BIRC6: variants seen among roughly 807,000 people sequenced by gnomAD.
BIRC6 encodes the protein baculoviral IAP repeat containing 6.
BIRC6 carries 98 observed loss-of-function variants against 503.3 expected under a neutral mutation model. The observed-to-expected ratio is 0.19, with a 90% CI of 0.17 to 0.23. The LOEUF (loss-of-function observed/expected upper bound fraction) is 0.23. Ranked by LOEUF, BIRC6 falls within the 10% of genes least tolerant of loss-of-function variation. The pLI, the probability that BIRC6 is intolerant of heterozygous loss-of-function variation, is 1.00. For synonymous variants in BIRC6, 2,240 were observed against 2,078.7 expected (o/e 1.08, Z -2.11); for missense variants, 5,360 against 5,806.0 (o/e 0.92, Z 2.50).
At chr2:32,540,744 A>G (rs765775154) in intron 61 of BIRC6, among the ~76,000 whole-genome samples, 1 of 152,008 alleles carries the variant, frequency 6.6e-6, no homozygotes, top group Non-Finnish European at 1.5e-5. Context: ...GTTGATGCCT[A>G]AGCCTGTGGT....
At chr2:32,411,438 T>A (rs897200631) in intron 9 of BIRC6, among the ~76,000 whole-genome samples, 10 of 149,416 alleles carry the variant, frequency 6.7e-5, no homozygotes, top group East Asian at 1.9e-4. Context: ...TTATTTTTTT[T>A]TTTTAAATTT....
chr2:32,364,823 C>T (rs2034655514), intron 1 of BIRC6, among the ~76,000 whole-genome samples: 1 of 151,174 alleles, frequency 6.6e-6, no homozygotes, highest in African/African-American at 2.4e-5. Flanking sequence ...CCAGAGCTGC[C>T]TGCTCTGAGA....
chr2:32,420,665 C>A (rs949947855), intron 10 of BIRC6, among the ~76,000 whole-genome samples: 1 of 152,032 alleles, frequency 6.6e-6, no homozygotes, highest in Non-Finnish European at 1.5e-5. Flanking sequence ...AGGTACACCA[C>A]CATGCCTGGT....
intron 65 of BIRC6, among the ~76,000 whole-genome samples, chr2:32,560,641 T>C (rs1265540014): frequency 6.6e-6 from 1 of 152,162 alleles, no homozygotes; most frequent in Non-Finnish European, 1.5e-5. Context: ...AGTGCAGTGG[T>C]GTGCTCATAG....
intron 70 of BIRC6, among the ~76,000 whole-genome samples, chr2:32,600,633 T>G (rs563746360): frequency 6.6e-6 from 1 of 152,314 alleles, no homozygotes; most frequent in African/African-American, 2.4e-5. Context: ...GGAACTTGAA[T>G]AGAGTGTAAG....
chr2:32,445,125 G>A (rs1242126888), intron 20 of BIRC6, among the ~76,000 whole-genome samples: 1 of 152,140 alleles, frequency 6.6e-6, no homozygotes, highest in Non-Finnish European at 1.5e-5. Flanking sequence ...TTAAAGTTTA[G>A]TACAGAGAAA....
rs550002777 is a variant in BIRC6, at chr2:32,409,360, T to G, written c.1477+2803T>G. On this transcript the variant is annotated intron_variant, in intron 9 of 73. Transcript: ENST00000421745. ...TTGTAGAGATAGGGCTTCACCATGT[T>G]GGCCAGGCTGGTCTTGAACTCCTGA... Among the ~76,000 whole-genome samples the G allele has an allele frequency of 1.1e-4, 17 of 152,236 alleles. 1 individual carries two copies. In the South Asian group the frequency reaches 3.3e-3, roughly 30 times the overall value.
At chr2:32,407,253 C>CT (rs2041324422) in intron 9 of BIRC6, among the ~76,000 whole-genome samples, 1 of 152,106 alleles carries the variant, frequency 6.6e-6, no homozygotes, top group Non-Finnish European at 1.5e-5. Flanking sequence ...CGAGACCAGC[C>CT]TGGCCAACAT....
At chr2:32,520,449 T>G (rs2055530278) in intron 57 of BIRC6, among the ~76,000 whole-genome samples, 1 of 152,228 alleles carries the variant, frequency 6.6e-6, no homozygotes, top group South Asian at 2.1e-4. Context: ...TTTGAAAATT[T>G]GATGTTAGAC....
At position 32,509,926 on chromosome 2, in the gene BIRC6, C is replaced by G. The variant is rs2054224782; in HGVS notation, c.10169C>G (p.Thr3390Ser). 3 of 1,613,946 alleles carry G rather than the reference C, an allele frequency of 1.9e-6. No homozygotes were observed. Among genetic ancestry groups the G allele is most frequent in the African/African-American group, 2.7e-5 (2 of 75,028 alleles). Residue 3390 changes from threonine (T) to serine (S), a missense_variant, in exon 52 of 74, where the codon ACT (threonine) becomes AGT (serine). By Grantham distance (58) the Thr-to-Ser change is moderately conservative. Coordinates refer to ENST00000421745, the MANE Select transcript of BIRC6 (RefSeq NM_016252.4). Reference sequence around the variant, plus strand: ...CTTGTAAAGATAGGACTGCAGTCTACTAGAATTGGCCTGAAGCTCATAGAC... The same window carrying G: ...CTTGTAAAGATAGGACTGCAGTCTAGTAGAATTGGCCTGAAGCTCATAGAC... ...VVLVKIGLQS[T>S]RIGLKLIDIL...
chr2:32,499,613 G>C lies in BIRC6; in HGVS notation c.8535G>C (p.Glu2845Asp). ...AQVKLLEFTLEQNFEVVSVST... is the reference protein window; with the variant it reads ...AQVKLLEFTLDQNFEVVSVST... The stretch of plus-strand genomic sequence containing the variant: ...TGAAGCTCTTAGAATTCACTCTGGA[G>C]CAGAATTTTGAAGTCGTTTCAGTTA... The change falls in exon 46 of 74, where the codon GAG (glutamate) becomes GAC (aspartate). Residue 2845 changes from glutamate (E) to aspartate (D), a missense_variant. Around this residue, in one of 16 missense-constraint regions of BIRC6, gnomAD observed 2,299 missense variants for 2,267.2 expected, o/e 1.01. Transcript: ENST00000421745. The C allele has an allele frequency of 6.2e-7, 1 of 1,613,888 alleles. No homozygotes were observed. Among genetic ancestry groups the C allele is most frequent in the Non-Finnish European group, 8.5e-7 (1 of 1,179,860 alleles).
intron 24 of BIRC6, 41 bp downstream of exon 24, chr2:32,463,422 C>T (rs777647739): frequency 1.3e-6 from 2 of 1,509,334 alleles, no homozygotes; most frequent in East Asian, 4.7e-5. Context: ...TGTCTCTAAA[C>T]TTCAAAAGCT....
At chr2:32,587,438 G>GAA (rs1260078786) in intron 66 of BIRC6, among the ~76,000 whole-genome samples, 1 of 152,076 alleles carries the variant, frequency 6.6e-6, no homozygotes, top group Non-Finnish European at 1.5e-5. Context: ...ATTTTTAGTT[G>GAA]AAAAAAATCT....
intron 9 of BIRC6, among the ~76,000 whole-genome samples, chr2:32,409,565 A>G (rs2041628244): frequency 6.6e-6 from 1 of 152,304 alleles, no homozygotes; most frequent in East Asian, 1.9e-4. Context: ...TGCATAGGGA[A>G]AAGTTTGGTA....
chr2:32,510,113 A>C, intron 52 of BIRC6, 119 bp downstream of exon 52: 4 of 1,184,592 alleles, frequency 3.4e-6, no homozygotes, highest in South Asian at 1.5e-5. Context: ...GTTTATGTTT[A>C]TCTCTCCTCT....
chr2:32,397,660 G>C (rs1380662611), intron 6 of BIRC6, among the ~76,000 whole-genome samples: 1 of 133,482 alleles, frequency 7.5e-6, no homozygotes, highest in Non-Finnish European at 1.6e-5. Context: ...ACACATATAT[G>C]TGTATATATA....
intron 53 of BIRC6, among the ~76,000 whole-genome samples, chr2:32,511,424 C>T (rs1257072056): frequency 6.0e-5 from 9 of 149,562 alleles, no homozygotes; most frequent in Non-Finnish European, 1.2e-4. Context: ...ATTCTTCTGC[C>T]TCAGCCTCCT....
At chr2:32,546,349 G>A (rs1388194791) in intron 63 of BIRC6, among the ~76,000 whole-genome samples, 2 of 152,164 alleles carry the variant, frequency 1.3e-5, no homozygotes, top group African/African-American at 4.8e-5. Flanking sequence ...GGAGGTTGAG[G>A]TGGGTGGATA....
intron 66 of BIRC6, among the ~76,000 whole-genome samples, chr2:32,580,022 C>T (rs897906548): frequency 9.4e-5 from 14 of 148,538 alleles, no homozygotes; most frequent in Admixed American, 7.5e-4. Flanking sequence ...GGCTTGATCT[C>T]GGCTCACTGC....
Sources: allele counts gnomAD v4.1 joint callset (sites outside exome capture counted in the v4.1 genomes callset), GRCh38; gene constraint gnomAD v4.1.1; regional missense constraint gnomAD v4.1.1; transcripts MANE v1.5; gene names NCBI Gene and HGNC (gene_info 2026-07-23, HGNC 2026-07-21).